FGF12: variants seen among roughly 807,000 people sequenced by gnomAD.
FGF12 encodes the protein fibroblast growth factor 12, also known as fibroblast growth factor 12B.
Under a neutral mutation model 23.6 loss-of-function variants are expected in FGF12, and 14 were observed. That is an observed-to-expected ratio of 0.59 (90% CI 0.39 to 0.93). The LOEUF is 0.93. Among genes scored for constraint, FGF12 ranks in the 40% least tolerant of loss-of-function variants. The pLI is 0.00. For synonymous variants in FGF12, 62 were observed against 77.3 expected (o/e 0.80, Z 1.04); for missense variants, 175 against 217.8 (o/e 0.80, Z 1.24).
intron 2 of FGF12, among the ~76,000 whole-genome samples, chr3:192,608,993 T>C (rs1714449567): frequency 1.3e-5 from 2 of 152,148 alleles, no homozygotes. Context: ...ATAATGGGCA[T>C]CCAGCTTAAG....
intron 2 of FGF12, among the ~76,000 whole-genome samples, chr3:192,550,324 C>A (rs1040885148): frequency 6.7e-6 from 1 of 149,898 alleles, no homozygotes; most frequent in Non-Finnish European, 1.5e-5. Context: ...TAATATATTC[C>A]TTTCCTTCCT....
rs1553840885 is a variant in FGF12 at position 192,141,154 on chromosome 3, A to AAAT, written c.*2854_*2855insATT. ...AAAAAAAAAAAAAAAAAAAAAAAAAAGCTTATTTTACTTAAAAAGGAAAAG... is the reference window on the plus strand; with the variant it reads ...AAAAAAAAAAAAAAAAAAAAAAAAAAAATGCTTATTTTACTTAAAAAGGAAAAG... On this transcript the variant is annotated 3_prime_UTR_variant, in exon 6 of 6. Coordinates refer to ENST00000445105, the MANE Select transcript of FGF12 (RefSeq NM_004113.6). 5.1e-5 allele frequency: 7 copies of AAAT among 136,606 alleles called. No homozygotes were observed. The highest frequency in any genetic ancestry group is 9.6e-5 in the Non-Finnish European group (6 of 62,220). The allele number at this position is 136,606 out of a possible 1,614,324, so 8.5% of individuals were successfully genotyped here. A position where few individuals can be genotyped will look rare whatever the true frequency, so the allele number is the denominator to read the frequency against.
intron 4 of FGF12, among the ~76,000 whole-genome samples, chr3:192,331,176 G>C (rs1332092653): frequency 6.6e-6 from 1 of 152,006 alleles, no homozygotes; most frequent in Non-Finnish European, 1.5e-5. Context: ...TCTCACACCT[G>C]TTAGGATGGC....
intron 2 of FGF12, among the ~76,000 whole-genome samples, chr3:192,564,043 TTTTG>T (rs923470074): frequency 4.0e-5 from 6 of 151,790 alleles, no homozygotes; most frequent in Non-Finnish European, 7.4e-5. Context: ...TTTTGTTTTT[TTTTG>T]TTTGTTTTTT....
chr3:192,725,983 G>T (rs568605217), intron 2 of FGF12, among the ~76,000 whole-genome samples: 1 of 152,158 alleles, frequency 6.6e-6, no homozygotes, highest in Non-Finnish European at 1.5e-5. Flanking sequence ...AAAATTGCCT[G>T]CTAGTCTTAA....
chr3:192,666,939 A>ATAGG (rs2108689086), intron 2 of FGF12, among the ~76,000 whole-genome samples: 1 of 152,202 alleles, frequency 6.6e-6, no homozygotes, highest in East Asian at 1.9e-4. Context: ...AGATAGATAG[A>ATAGG]TAGATAGATA....
intron 2 of FGF12, among the ~76,000 whole-genome samples, chr3:192,548,097 A>T (rs977699097): frequency 6.6e-6 from 1 of 152,184 alleles, no homozygotes; most frequent in Non-Finnish European, 1.5e-5. Context: ...AAGTGAGTAA[A>T]TACTTCTAAG....
At chr3:192,296,837 T>C (rs1357665416) in intron 4 of FGF12, among the ~76,000 whole-genome samples, 1 of 152,004 alleles carries the variant, frequency 6.6e-6, no homozygotes, top group Non-Finnish European at 1.5e-5. Flanking sequence ...ACATGTGGAG[T>C]ACTTAGTTTA....
intron 2 of FGF12, among the ~76,000 whole-genome samples, chr3:192,433,608 A>G (rs943228168): frequency 6.6e-6 from 1 of 152,226 alleles, no homozygotes; most frequent in African/African-American, 2.4e-5. Flanking sequence ...CTCACCTCCA[A>G]TGTGACTAAC....
chr3:192,219,582 GC>G (rs1377878415), intron 4 of FGF12, among the ~76,000 whole-genome samples: 1 of 152,096 alleles, frequency 6.6e-6, no homozygotes, highest in Non-Finnish European at 1.5e-5. Flanking sequence ...AGTGAGCTGG[GC>G]TACAGTAGCA....
chr3:192,389,172 C>A (rs1720186329), intron 2 of FGF12, among the ~76,000 whole-genome samples: 1 of 152,146 alleles, frequency 6.6e-6, no homozygotes, highest in South Asian at 2.1e-4. Context: ...CCAGCCTGGG[C>A]AACATGGCGA....
In FGF12 at chr3:192,139,897, T is replaced by C. The variant is rs2108570421; in HGVS notation, c.*4112A>G. On this transcript the variant is annotated 3_prime_UTR_variant, in exon 6 of 6. Coordinates refer to ENST00000445105, the MANE Select transcript of FGF12 (RefSeq NM_004113.6). ...TTCACCACAAATTCTCAATTTGATA[T>C]GACTTAACATGAAATCTGTATTGGG... 6.6e-6 allele frequency: 1 copy of C among 152,182 alleles called. No individual in the cohort carries two copies. Among genetic ancestry groups the C allele is most frequent in the South Asian group, 2.1e-4 (1 of 4,828 alleles). The allele number at this position is 152,182 out of a possible 1,614,324, so 9.4% of individuals were successfully genotyped here.
chr3:192,387,647 G>A (rs1428636852), intron 2 of FGF12, among the ~76,000 whole-genome samples: 1 of 150,778 alleles, frequency 6.6e-6, no homozygotes, highest in Non-Finnish European at 1.5e-5. Flanking sequence ...AGGAGTTGAA[G>A]ATCAGCCTGG....
rs536612959 is a variant in FGF12, at chr3:192,140,863, A to G, written c.*3146T>C. ...TGCCCTCCAATTTGCGGAAGCACAA[A>G]AGTCTCTGAATTAGCAAATGGAACT... On this transcript the variant is annotated 3_prime_UTR_variant, in exon 6 of 6. Coordinates refer to ENST00000445105, the MANE Select transcript of FGF12 (RefSeq NM_004113.6). The G allele has an allele frequency of 6.6e-6, 1 of 152,054 alleles. No individual in the cohort carries two copies. The highest frequency in any genetic ancestry group is 1.5e-5 in the Non-Finnish European group (1 of 67,858). The allele number at this position is 152,054 out of a possible 1,614,324, so 9.4% of individuals were successfully genotyped here.
intron 2 of FGF12, among the ~76,000 whole-genome samples, chr3:192,629,006 T>G (rs1284753551): frequency 6.6e-6 from 1 of 152,136 alleles, no homozygotes; most frequent in East Asian, 1.9e-4. Context: ...AACCATTTCC[T>G]CTCTCTGGAA....
chr3:192,611,650 G>A (rs1232376929), intron 2 of FGF12, among the ~76,000 whole-genome samples: 4 of 151,936 alleles, frequency 2.6e-5, no homozygotes, highest in Non-Finnish European at 5.9e-5. Flanking sequence ...GAAGAACAGA[G>A]GAATTCTTAA....
chr3:192,436,276 C>T (rs1412527989), intron 2 of FGF12, among the ~76,000 whole-genome samples: 2 of 152,216 alleles, frequency 1.3e-5, no homozygotes, highest in African/African-American at 4.8e-5. Context: ...GGAACATTCA[C>T]CTTCCTTTGC....
intron 2 of FGF12, among the ~76,000 whole-genome samples, chr3:192,525,896 T>C (rs1326582115): frequency 6.6e-6 from 1 of 152,204 alleles, no homozygotes; most frequent in Non-Finnish European, 1.5e-5. Context: ...TGCCTCAGCC[T>C]CCTGAGTAGC....
In FGF12 at chr3:192,336,762, C is replaced by T. The variant is rs980817486; in HGVS notation, c.125-1298G>A. 1.3e-5 allele frequency among the ~76,000 whole-genome samples: 2 copies of T among 152,026 alleles called. No homozygotes were observed. Among genetic ancestry groups the T allele is most frequent in the Non-Finnish European group, 2.9e-5 (2 of 67,952 alleles). On this transcript the variant is annotated intron_variant, in intron 3 of 5. Coordinates refer to ENST00000445105, the MANE Select transcript of FGF12 (RefSeq NM_004113.6). This position sits in a 1 kb window ranked among gnomAD's most constrained non-coding sequence, Gnocchi z 4.3. Reference sequence around the variant, plus strand: ...GGGATGCCTCTATTTTTCTCGGCTTCTCTCAACCTACAATAGTAAGCTAAA... The same window carrying T: ...GGGATGCCTCTATTTTTCTCGGCTTTTCTCAACCTACAATAGTAAGCTAAA...
Sources: allele counts gnomAD v4.1 joint callset (sites outside exome capture counted in the v4.1 genomes callset), GRCh38; gene constraint gnomAD v4.1.1; non-coding constraint Gnocchi (gnomAD v3.1); transcripts MANE v1.5; gene names NCBI Gene and HGNC (gene_info 2026-07-23, HGNC 2026-07-21).